ATAD1: variants seen among roughly 807,000 people sequenced by gnomAD.
ATAD1 encodes the protein outer mitochondrial transmembrane helix translocase.
Under a neutral mutation model 42.7 loss-of-function variants are expected in ATAD1, and 18 were observed. That is an observed-to-expected ratio of 0.42 (90% CI 0.29 to 0.63). The LOEUF is 0.63. Among genes scored for constraint, ATAD1 ranks in the 20% least tolerant of loss-of-function variants. The probability of loss-of-function intolerance (pLI) is 0.19; values close to 1 mark genes in which losing one functional copy is unlikely to be tolerated. For synonymous variants in ATAD1, 132 were observed against 143.1 expected (o/e 0.92, Z 0.55); for missense variants, 294 against 440.4 (o/e 0.67, Z 2.98).
chr10:87,803,471 T>A (rs1856793790), intron 2 of ATAD1, among the ~76,000 whole-genome samples: 1 of 152,228 alleles, frequency 6.6e-6, no homozygotes, highest in Non-Finnish European at 1.5e-5. Flanking sequence ...TAAACGCGTA[T>A]CTGCTTGCCT....
chr10:87,829,924 A>G (rs1857798554), intron 1 of ATAD1, among the ~76,000 whole-genome samples: 1 of 152,230 alleles, frequency 6.6e-6, no homozygotes, highest in Non-Finnish European at 1.5e-5. Flanking sequence ...TGTTTGAGAA[A>G]ATTTACTGCA....
At position 87,805,547 on chromosome 10, in the gene ATAD1, C is replaced by T. The variant is rs144974705; in HGVS notation, c.162+8891G>A. ...CACAATGATTTAATCTCATTAAATACTGATCACATATTTACCTAAATAGGC... is the reference window on the plus strand; with the variant it reads ...CACAATGATTTAATCTCATTAAATATTGATCACATATTTACCTAAATAGGC... On this transcript the variant is annotated intron_variant, in intron 2 of 9. Transcript: ENST00000680024. 2.9e-4 allele frequency among the ~76,000 whole-genome samples: 44 copies of T among 152,280 alleles called. No homozygotes were observed. The East Asian group carries it at 8.1e-3, about 28-fold the overall frequency.
At chr10:87,797,898 T>C (rs949644134) in intron 2 of ATAD1, among the ~76,000 whole-genome samples, 2 of 152,178 alleles carry the variant, frequency 1.3e-5, no homozygotes, top group Non-Finnish European at 2.9e-5. Flanking sequence ...CTGTTGTTTT[T>C]GCAGGTAAAT....
chr10:87,804,886 C>A (rs1397349835), intron 2 of ATAD1, among the ~76,000 whole-genome samples: 10 of 152,160 alleles, frequency 6.6e-5, no homozygotes, highest in Admixed American at 2.6e-4. Context: ...AGTCCCTGTA[C>A]AACACCATGT....
intron 4 of ATAD1, 51 bp from the exon 5 acceptor site, chr10:87,784,721 T>G (rs1479190511): frequency 6.6e-7 from 1 of 1,522,094 alleles, no homozygotes; most frequent in Non-Finnish European, 9.0e-7. Flanking sequence ...TTGCTTCAAT[T>G]TATATGATAA....
intron 1 of ATAD1, chr10:87,832,210 C>G (rs1254403835): frequency 6.6e-6 from 1 of 150,412 alleles, no homozygotes; most frequent in African/African-American, 2.5e-5. Flanking sequence ...GGCAACATAA[C>G]AAGACCCCCA....
At chr10:87,792,615 C>A in intron 3 of ATAD1, 42 bp downstream of exon 3, 3 of 1,235,030 alleles carry the variant, frequency 2.4e-6, no homozygotes, top group South Asian at 1.2e-5. Flanking sequence ...AGAACCCACC[C>A]CCACCTCTAA....
In ATAD1 at chr10:87,776,230, G is replaced by A. The variant is rs867563769; in HGVS notation, c.690+91C>T. 8.0e-5 allele frequency: 71 copies of A among 884,706 alleles called. No homozygotes were observed. The African/African-American group carries it at 1.0e-3, about 13-fold the overall frequency. The allele number at this position is 884,706 out of a possible 1,614,324, so 54.8% of individuals were successfully genotyped here. A position where few individuals can be genotyped will look rare whatever the true frequency, so the allele number is the denominator to read the frequency against. Reference sequence around the variant, plus strand: ...AAGTGTAAATAATTATGAAAAAAAAGTTTGTACAAAAGCATAGTAAGTAGC... The same window carrying A: ...AAGTGTAAATAATTATGAAAAAAAAATTTGTACAAAAGCATAGTAAGTAGC... On this transcript the variant is annotated intron_variant, in intron 6 of 9. Transcript: ENST00000680024.
chr10:87,801,286 C>T (rs1315959029), intron 2 of ATAD1, among the ~76,000 whole-genome samples: 3 of 152,034 alleles, frequency 2.0e-5, no homozygotes, highest in Non-Finnish European at 4.4e-5. Context: ...GTTTTTTAAA[C>T]CTTTGATATT....
chr10:87,803,483 T>C (rs1238484941), intron 2 of ATAD1, among the ~76,000 whole-genome samples: 1 of 152,244 alleles, frequency 6.6e-6, no homozygotes, highest in African/African-American at 2.4e-5. Flanking sequence ...TGCTTGCCTC[T>C]TTTGGAGAGG....
At chr10:87,781,639 G>A (rs1020515831) in intron 5 of ATAD1, among the ~76,000 whole-genome samples, 3 of 133,516 alleles carry the variant, frequency 2.2e-5, no homozygotes, top group Admixed American at 1.5e-4. Context: ...AAATGGAAGA[G>A]ATGAAGAATT....
chr10:87,764,787 AC>A (rs1854656450), intron 8 of ATAD1, among the ~76,000 whole-genome samples: 2 of 152,124 alleles, frequency 1.3e-5, no homozygotes, highest in Admixed American at 1.3e-4. Context: ...CTTAGGACAA[AC>A]CCAACCTAGT....
chr10:87,772,641 T>G (rs1208808719), intron 6 of ATAD1, among the ~76,000 whole-genome samples: 2 of 151,942 alleles, frequency 1.3e-5, no homozygotes, highest in East Asian at 3.9e-4. Flanking sequence ...AAACAAAATT[T>G]AAAAGCCAGT....
rs145018765 is a variant in ATAD1, at chr10:87,802,088, A to C, written c.163-9333T>G. Among the ~76,000 whole-genome samples the C allele has an allele frequency of 6.1e-3, 933 of 152,314 alleles. 10 individuals carry two copies. Among genetic ancestry groups the C allele is most frequent in the South Asian group, 0.017 (83 of 4,832 alleles). The stretch of plus-strand genomic sequence containing the variant: ...TACCTGATTTCTCTAGAATTTGGAA[A>C]CTATTTGTGAGTATTCTTAACTTAT... On this transcript the variant is annotated intron_variant, in intron 2 of 9. Transcript: ENST00000680024.
intron 5 of ATAD1, among the ~76,000 whole-genome samples, chr10:87,783,398 A>ATAT (rs1855664644): frequency 6.6e-6 from 1 of 151,906 alleles, no homozygotes; most frequent in South Asian, 2.1e-4. Context: ...AAAATAAACT[A>ATAT]GCTATATATT....
chr10:87,754,745 A>G lies in ATAD1; in HGVS notation c.1028T>C (p.Met343Thr). ...AAATGCTGCATCCTTTGATTTCTTC[A>G]TCTTTTCAATTGCCCGATGCAGGTC... ...QQDLHRAIEK[M>T]KKSKDAAFQN... Residue 343 changes from methionine (M) to threonine (T), a missense_variant, in exon 10 of 10, where the codon ATG becomes ACG. Coordinates refer to ENST00000680024, the MANE Select transcript of ATAD1 (RefSeq NM_001321967.2). 6.2e-7 allele frequency: 1 copy of G among 1,613,798 alleles called. No individual in the cohort carries two copies. The highest frequency in any genetic ancestry group is 8.5e-7 in the Non-Finnish European group (1 of 1,179,802).
intron 8 of ATAD1, among the ~76,000 whole-genome samples, chr10:87,767,358 G>A (rs576898209): frequency 1.4e-4 from 21 of 152,250 alleles, no homozygotes; most frequent in African/African-American, 5.1e-4. Context: ...TGATTCAAGT[G>A]CATTACATTT....
At chr10:87,793,814 G>T (rs904143074) in intron 2 of ATAD1, among the ~76,000 whole-genome samples, 1 of 152,120 alleles carries the variant, frequency 6.6e-6, no homozygotes, top group East Asian at 1.9e-4. Context: ...AAATGCTTTT[G>T]ATTATATAGA....
intron 1 of ATAD1, among the ~76,000 whole-genome samples, chr10:87,831,766 T>G (rs1857834121): frequency 6.6e-6 from 1 of 152,248 alleles, no homozygotes; most frequent in South Asian, 2.1e-4. Context: ...TAAGTTACTG[T>G]GACTGACAAG....
Sources: allele counts gnomAD v4.1 joint callset (sites outside exome capture counted in the v4.1 genomes callset), GRCh38; gene constraint gnomAD v4.1.1; transcripts MANE v1.5; gene names NCBI Gene and HGNC (gene_info 2026-07-23, HGNC 2026-07-21).